UST: variants seen among roughly 807,000 people sequenced by gnomAD.
UST encodes uronyl 2-sulfotransferase, also known as chondroitin sulfate 2-O-sulfotransferase.
A neutral mutation model predicts 45.6 loss-of-function variants in UST; 21 were observed. The observed-to-expected ratio is 0.46, with a 90% CI of 0.33 to 0.66. UST has a LOEUF of 0.66. UST is among the 30% of genes least tolerant of loss of function. UST has a pLI of 0.02. For missense variants in UST, 463 were observed against 512.4 expected, an observed-to-expected ratio of 0.90 and a Z score of 0.93; for synonymous variants, 215 against 200.6, an observed-to-expected ratio of 1.07 and a Z score of -0.61.
chr6:148,862,226 G>A (rs374251333), intron 1 of UST, among the ~76,000 whole-genome samples: 1 of 152,306 alleles, frequency 6.6e-6, no homozygotes, highest in African/African-American at 2.4e-5. Flanking sequence ...TCTTCTTGTT[G>A]AATTGATCCC....
At chr6:148,976,156 A>G (rs1008193246) in intron 5 of UST, among the ~76,000 whole-genome samples, 6 of 152,228 alleles carry the variant, frequency 3.9e-5, no homozygotes, top group Non-Finnish European at 8.8e-5. Flanking sequence ...AGCCTCATCT[A>G]TAATTTTTGA....
intron 2 of UST, among the ~76,000 whole-genome samples, chr6:148,895,835 TG>T (rs974223694): frequency 1.3e-5 from 2 of 152,240 alleles, no homozygotes; most frequent in African/African-American, 4.8e-5. Context: ...TACCCAGTCT[TG>T]GGTATGTCTT....
chr6:148,871,451 C>T (rs1314843058), intron 1 of UST, among the ~76,000 whole-genome samples: 1 of 152,182 alleles, frequency 6.6e-6, no homozygotes. Context: ...CTGATTTCTA[C>T]CCGTCACCTG....
chr6:148,809,725 A>G (rs550147920), intron 1 of UST, among the ~76,000 whole-genome samples: 1 of 152,228 alleles, frequency 6.6e-6, no homozygotes, highest in Non-Finnish European at 1.5e-5. Flanking sequence ...TTTGCCATTC[A>G]TGTACATACC....
intron 1 of UST, among the ~76,000 whole-genome samples, chr6:148,824,570 A>G (rs1196844344): frequency 1.3e-5 from 2 of 152,160 alleles, no homozygotes; most frequent in Non-Finnish European, 2.9e-5. Flanking sequence ...GATACATTGA[A>G]GAGGTGTGAG....
chr6:149,002,707 A>G (rs1299013927), intron 5 of UST, among the ~76,000 whole-genome samples: 1 of 152,134 alleles, frequency 6.6e-6, no homozygotes, highest in Admixed American at 6.5e-5. Flanking sequence ...GGGTTTCACC[A>G]TATTAGTCAG....
chr6:149,060,698 C>T (rs569437052), intron 7 of UST, among the ~76,000 whole-genome samples: 3 of 152,260 alleles, frequency 2.0e-5, no homozygotes, highest in South Asian at 2.1e-4. Flanking sequence ...CCGTGACTTT[C>T]GGCACACCTG....
chr6:148,997,410 G>GA (rs1452863781), intron 5 of UST, among the ~76,000 whole-genome samples: 1 of 152,084 alleles, frequency 6.6e-6, no homozygotes, highest in Non-Finnish European at 1.5e-5. Context: ...CTGACCCACT[G>GA]AAAACACAGT....
intron 5 of UST, among the ~76,000 whole-genome samples, chr6:148,981,448 C>G (rs1234681857): frequency 6.6e-6 from 1 of 152,178 alleles, no homozygotes; most frequent in East Asian, 1.9e-4. Flanking sequence ...TTCCTTAGTC[C>G]TTCCCAGCCT....
chr6:148,802,810 C>T (rs1343641843), intron 1 of UST, among the ~76,000 whole-genome samples: 3 of 152,102 alleles, frequency 2.0e-5, no homozygotes, highest in East Asian at 3.9e-4. Context: ...GAACTGAAAT[C>T]GTGAAAGGGG....
In UST at chr6:148,759,071, A is replaced by G. The variant is rs770839944; in HGVS notation, c.247+11394A>G. On this transcript the variant is annotated intron_variant, in intron 1 of 7. Coordinates refer to ENST00000367463, the MANE Select transcript of UST (RefSeq NM_005715.3). ...AAGTCATGTGAGCCTCCAAGGCTTC[A>G]GTGTCTTCATCTCTACAATGAAGGA... Among the ~76,000 whole-genome samples, 3 of 152,174 alleles carry G rather than the reference A, an allele frequency of 2.0e-5. No homozygotes were observed. In the East Asian group the frequency reaches 5.8e-4, roughly 29 times the overall value.
intron 4 of UST, 150 bp from the exon 5 acceptor site, chr6:148,964,260 A>G (rs1780732869): frequency 1.1e-6 from 1 of 885,318 alleles, no homozygotes; most frequent in Non-Finnish European, 1.7e-6. Context: ...TTATCAGGAA[A>G]CACCGTTTGC....
intron 1 of UST, among the ~76,000 whole-genome samples, chr6:148,812,861 A>T (rs887997909): frequency 2.0e-5 from 3 of 152,182 alleles, no homozygotes; most frequent in Non-Finnish European, 4.4e-5. Flanking sequence ...GGAGGTGGGG[A>T]TCACTGACAG....
intron 7 of UST, among the ~76,000 whole-genome samples, chr6:149,066,741 C>A (rs993773557): frequency 5.9e-5 from 9 of 152,032 alleles, no homozygotes; most frequent in African/African-American, 2.2e-4. Context: ...AATGAACTTA[C>A]AATAGGCAGA....
chr6:148,943,677 T>A (rs1458082272), intron 3 of UST, among the ~76,000 whole-genome samples: 1 of 152,190 alleles, frequency 6.6e-6, no homozygotes, highest in Non-Finnish European at 1.5e-5. Context: ...TCCAGCCCTG[T>A]GATTCTGTGA....
At chr6:148,861,241 C>G (rs996501620) in intron 1 of UST, among the ~76,000 whole-genome samples, 1 of 152,022 alleles carries the variant, frequency 6.6e-6, no homozygotes, top group Non-Finnish European at 1.5e-5. Context: ...TGTATGTGTC[C>G]AGGAATTTAT....
At position 149,019,146 on chromosome 6, in the gene UST, A is replaced by G. The variant is rs376213162; in HGVS notation, c.689A>G (p.Asn230Ser). The change falls in exon 6 of 8, where the codon AAT (asparagine) becomes AGT (serine). Residue 230 changes from asparagine to serine, a missense_variant. This residue lies in a region of UST where 287 missense variants were observed against 374.2 expected (regional missense o/e 0.77). Transcript: ENST00000367463. ...CTGTATTTTCTCTTCTAGGATATCA[A>G]TGAGTGTATTCTTGAAAACTATCCC... ...MRQEERYLDI[N>S]ECILENYPEC... 42 of 1,612,226 alleles carry G rather than the reference A, an allele frequency of 2.6e-5. No individual in the cohort carries two copies. The highest frequency in any genetic ancestry group is 3.2e-5 in the Non-Finnish European group (38 of 1,178,392).
chr6:148,888,397 C>G (rs1009777229), intron 2 of UST, among the ~76,000 whole-genome samples: 1 of 152,198 alleles, frequency 6.6e-6, no homozygotes, highest in African/African-American at 2.4e-5. Context: ...CCAAACAAAT[C>G]AGCCCCAAAG....
At chr6:148,989,851 A>T (rs2114990874) in intron 5 of UST, among the ~76,000 whole-genome samples, 1 of 152,108 alleles carries the variant, frequency 6.6e-6, no homozygotes, top group East Asian at 1.9e-4. Context: ...TAAATAACAA[A>T]CTCTCCTGAG....
Sources: allele counts gnomAD v4.1 joint callset (sites outside exome capture counted in the v4.1 genomes callset), GRCh38; gene constraint gnomAD v4.1.1; regional missense constraint gnomAD v4.1.1; transcripts MANE v1.5; gene names NCBI Gene and HGNC (gene_info 2026-07-23, HGNC 2026-07-21).